Variants in LIN52 observed in about 807,000 individuals in gnomAD.
LIN52 encodes the protein protein lin-52 homolog.
In LIN52, 4 loss-of-function variants were observed where a neutral mutation model predicts 18.5. The ratio of observed to expected loss-of-function variants is 0.22; its 90% CI spans 0.11 to 0.49. The LOEUF (loss-of-function observed/expected upper bound fraction) is 0.49, where lower values mean the gene tolerates loss of function less well. Ranked by LOEUF, LIN52 falls within the 20% of genes least tolerant of loss-of-function variation. The pLI, the probability that LIN52 is intolerant of heterozygous loss-of-function variation, is 0.97. For synonymous variants in LIN52, 34 were observed against 45.5 expected (o/e 0.75, Z 1.02); for missense variants, 102 against 139.5 (o/e 0.73, Z 1.35).
chr14:74,121,942 C>T (rs2061002610), intron 5 of LIN52, among the ~76,000 whole-genome samples: 1 of 151,314 alleles, frequency 6.6e-6, no homozygotes, highest in Non-Finnish European at 1.5e-5. Context: ...AGGCTGGTCT[C>T]AAACACACCT....
chr14:74,169,935 G>A (rs879720197), intron 5 of LIN52, among the ~76,000 whole-genome samples: 3 of 152,184 alleles, frequency 2.0e-5, no homozygotes, highest in Non-Finnish European at 4.4e-5. Flanking sequence ...CCTGAGTGGG[G>A]GTTTCAGGAA....
chr14:74,191,418 A>G (rs1361789966), intron 5 of LIN52, among the ~76,000 whole-genome samples: 3 of 152,192 alleles, frequency 2.0e-5, no homozygotes, highest in African/African-American at 7.2e-5. Flanking sequence ...ACACACTGAT[A>G]ACTGATCAGC....
intron 3 of LIN52, among the ~76,000 whole-genome samples, chr14:74,097,589 C>T (rs1366631260): frequency 8.6e-5 from 13 of 151,956 alleles, no homozygotes; most frequent in African/African-American, 1.9e-4. Flanking sequence ...TGTGCCATCA[C>T]GCCTGGCTAA....
intron 5 of LIN52, among the ~76,000 whole-genome samples, chr14:74,141,351 CA>C (rs2061129610): frequency 6.6e-6 from 1 of 152,174 alleles, no homozygotes; most frequent in East Asian, 1.9e-4. Context: ...TTTGACCCCA[CA>C]ACATGTCTTG....
At chr14:74,113,180 C>G (rs1452650587) in intron 5 of LIN52, among the ~76,000 whole-genome samples, 1 of 152,020 alleles carries the variant, frequency 6.6e-6, no homozygotes, top group Non-Finnish European at 1.5e-5. Flanking sequence ...TCACCTGAGG[C>G]CAGGAGTTTG....
chr14:74,195,155 A>G (rs2078904037), intron 5 of LIN52, among the ~76,000 whole-genome samples: 1 of 152,232 alleles, frequency 6.6e-6, no homozygotes, highest in Non-Finnish European at 1.5e-5. Flanking sequence ...TCAAAAAAAA[A>G]GAAAATAGTT....
intron 4 of LIN52, among the ~76,000 whole-genome samples, 196 bp downstream of exon 4, chr14:74,098,056 C>A (rs2060827387): frequency 6.6e-6 from 1 of 152,096 alleles, no homozygotes; most frequent in East Asian, 1.9e-4. Flanking sequence ...CAATTCAAGA[C>A]TCAGTCATAG....
chr14:74,086,873 A>G (rs1303263992), intron 1 of LIN52, among the ~76,000 whole-genome samples: 1 of 152,168 alleles, frequency 6.6e-6, no homozygotes, highest in African/African-American at 2.4e-5. Context: ...TGCACAATTA[A>G]TGTACTTAAT....
intron 5 of LIN52, among the ~76,000 whole-genome samples, chr14:74,164,674 A>G (rs2061240866): frequency 6.6e-6 from 1 of 152,146 alleles, no homozygotes; most frequent in Non-Finnish European, 1.5e-5. Context: ...CGGTCAGGAA[A>G]TTAGAAGAGA....
At chr14:74,177,927 G>A (rs1447441701) in intron 5 of LIN52, among the ~76,000 whole-genome samples, 2 of 152,032 alleles carry the variant, frequency 1.3e-5, no homozygotes, top group East Asian at 1.9e-4. Context: ...ACAGGCACCC[G>A]CCACCAGGCC....
At position 74,096,028 on chromosome 14, in the gene LIN52, G is replaced by A. The variant is rs747647023; in HGVS notation, c.132+43G>A. ...CCTACTGAGGTCAATCCAAAGTTTC[G>A]CTCCTGAGTAAAAGCTCAGATCTCT... On this transcript the variant is annotated intron_variant, in intron 3 of 5. Coordinates refer to ENST00000555028, the MANE Select transcript of LIN52 (RefSeq NM_001024674.3). The A allele has an allele frequency of 1.9e-5, 25 of 1,346,402 alleles. No individual in the cohort carries two copies. The East Asian group carries it at 2.4e-4, about 13-fold the overall frequency. 83.4% of individuals were successfully genotyped at this position (1,346,402 alleles called of 1,614,324 possible).
At chr14:74,178,521 G>T (rs1299672173) in intron 5 of LIN52, among the ~76,000 whole-genome samples, 1 of 151,266 alleles carries the variant, frequency 6.6e-6, no homozygotes, top group East Asian at 2.0e-4. Flanking sequence ...GCAGTGGTGC[G>T]ATTTTGGCTC....
intron 4 of LIN52, 48 bp downstream of exon 4, chr14:74,097,908 A>G: frequency 2.9e-6 from 4 of 1,364,786 alleles, no homozygotes; most frequent in Non-Finnish European, 4.2e-6. Flanking sequence ...ATGTTTTTCC[A>G]TAGACCACCT....
At chr14:74,198,873 T>C (rs749086098) in intron 5 of LIN52, 49 bp from the exon 6 acceptor site, 1 of 1,346,306 alleles carries the variant, frequency 7.4e-7, no homozygotes, top group South Asian at 1.2e-5. Context: ...ATGATTCTTT[T>C]TTCCGATTTT....
chr14:74,121,527 G>A (rs2060999232), intron 5 of LIN52, among the ~76,000 whole-genome samples: 1 of 152,156 alleles, frequency 6.6e-6, no homozygotes, highest in Non-Finnish European at 1.5e-5. Context: ...ATCACATAGT[G>A]CCGAAGTTAG....
At position 74,175,020 on chromosome 14, in the gene LIN52, A is replaced by AAAT. The variant is rs141936961; in HGVS notation, c.284-23880_284-23878dup. Among the ~76,000 whole-genome samples the AAAT allele has an allele frequency of 1.4e-3, 200 of 140,968 alleles. 4 individuals carry two copies. The highest frequency in any genetic ancestry group is 3.6e-3 in the Middle Eastern group (1 of 276). The allele number at this position is 140,968 out of a possible 152,430, so 92.5% of individuals were successfully genotyped here. Reference sequence around the variant, plus strand: ...ACAGAGTGAAACCTTGACTCAAAGAAAATAATAATAATAATAATAATAATG... The same window carrying AAAT: ...ACAGAGTGAAACCTTGACTCAAAGAAAATAATAATAATAATAATAATAATAATG... On this transcript the variant is annotated intron_variant, in intron 5 of 5. Coordinates refer to ENST00000555028, the MANE Select transcript of LIN52 (RefSeq NM_001024674.3).
At chr14:74,149,860 A>G (rs1017985392) in intron 5 of LIN52, among the ~76,000 whole-genome samples, 1 of 152,154 alleles carries the variant, frequency 6.6e-6, no homozygotes, top group Non-Finnish European at 1.5e-5. Flanking sequence ...ATAGTCTTCT[A>G]CCAACTCGTG....
intron 5 of LIN52, among the ~76,000 whole-genome samples, chr14:74,182,346 T>C (rs1206434030): frequency 6.6e-6 from 1 of 152,216 alleles, no homozygotes. Context: ...TTAGGGAAAT[T>C]ATCTTTAAAA....
At chr14:74,156,115 T>C (rs190800309) in intron 5 of LIN52, among the ~76,000 whole-genome samples, 3 of 152,334 alleles carry the variant, frequency 2.0e-5, no homozygotes, top group Non-Finnish European at 2.9e-5. Context: ...TACTTGGCTT[T>C]ATTTCCTGTA....
Sources: gnomAD v4.1 joint callset for allele counts (sites outside exome capture counted in the v4.1 genomes callset) on GRCh38, gnomAD v4.1.1 for gene constraint, MANE v1.5 for transcripts, NCBI Gene and HGNC (gene_info 2026-07-23, HGNC 2026-07-21) for gene names.